The following RAB3GAP2 variants were observed in gnomAD, a reference collection of about 807,000 sequenced individuals.
The protein encoded by RAB3GAP2 is RAB3 GTPase activating non-catalytic protein subunit 2, also known as rab3 GTPase-activating protein non-catalytic subunit.
Under a neutral mutation model 185.3 loss-of-function variants are expected in RAB3GAP2, and 87 were observed. That is an observed-to-expected ratio of 0.47 (90% CI 0.39 to 0.56). The LOEUF (loss-of-function observed/expected upper bound fraction) is 0.56. Ranked by LOEUF, RAB3GAP2 falls within the 20% of genes least tolerant of loss-of-function variation. RAB3GAP2 has a pLI of 0.00. For synonymous variants in RAB3GAP2, 554 were observed against 576.1 expected, an observed-to-expected ratio of 0.96 and a Z score of 0.55; for missense variants, 1,492 against 1,638.2, an observed-to-expected ratio of 0.91 and a Z score of 1.54.
intron 1 of RAB3GAP2, among the ~76,000 whole-genome samples, chr1:220,263,509 T>G (rs1335923786): frequency 6.6e-6 from 1 of 152,134 alleles, no homozygotes; most frequent in Non-Finnish European, 1.5e-5. Flanking sequence ...TGCATATGGA[T>G]AGCCATTTCC....
intron 1 of RAB3GAP2, among the ~76,000 whole-genome samples, chr1:220,239,092 A>G (rs924599488): frequency 1.3e-5 from 2 of 152,262 alleles, no homozygotes; most frequent in Non-Finnish European, 1.5e-5. Context: ...TTTATAATAT[A>G]ATGAACAAAT....
intron 1 of RAB3GAP2, among the ~76,000 whole-genome samples, chr1:220,238,451 T>C (rs1659634891): frequency 6.6e-6 from 1 of 152,222 alleles, no homozygotes; most frequent in African/African-American, 2.4e-5. Flanking sequence ...AAGAGTTATA[T>C]GATCTTGGGC....
intron 1 of RAB3GAP2, among the ~76,000 whole-genome samples, chr1:220,246,075 A>G (rs1395065632): frequency 6.6e-6 from 1 of 152,194 alleles, no homozygotes; most frequent in African/African-American, 2.4e-5. Flanking sequence ...AAACAAATTT[A>G]CAAGAAAAAA....
chr1:220,227,351 A>T (rs1051104889), intron 2 of RAB3GAP2, among the ~76,000 whole-genome samples: 1 of 152,192 alleles, frequency 6.6e-6, no homozygotes, highest in African/African-American at 2.4e-5. Context: ...CTAGAGTCAG[A>T]AAAAAAGAGG....
Position 220,190,465 on chromosome 1 carries a change from A to C in RAB3GAP2, c.1543T>G (p.Trp515Gly). ...CAGATCTGATAAGTCTGTGGCTGCC[A>C]ACTCTGACTGGTAACATTATTTAAA... ...MGLNNVTSQS[W>G]QPQTYQICLV... The change falls in exon 15 of 35, where the codon TGG becomes GGG. Residue 515 changes from tryptophan (W) to glycine (G), a missense_variant. Trp to Gly is a radical substitution (Grantham distance 184, BLOSUM62 -2). Transcript: ENST00000358951. The C allele has an allele frequency of 6.2e-7, 1 of 1,610,996 alleles. No individual in the cohort carries two copies. Among genetic ancestry groups the C allele is most frequent in the Non-Finnish European group, 8.5e-7 (1 of 1,177,144 alleles).
At chr1:220,264,172 C>T (rs908558972) in intron 1 of RAB3GAP2, among the ~76,000 whole-genome samples, 2 of 151,840 alleles carry the variant, frequency 1.3e-5, no homozygotes, top group African/African-American at 4.8e-5. Context: ...GTACAAAACT[C>T]TCTCTGCAAA....
At chr1:220,180,289 T>C (rs10863533) in intron 21 of RAB3GAP2, among the ~76,000 whole-genome samples, 42,113 of 150,692 alleles carry the variant, frequency 0.28, 6,182 homozygotes, top group East Asian at 0.4. Flanking sequence ...GTAAAAGAAG[T>C]AATAAAGATC....
chr1:220,259,245 A>G (rs193254346), intron 1 of RAB3GAP2, among the ~76,000 whole-genome samples: 1 of 152,342 alleles, frequency 6.6e-6, no homozygotes, highest in African/African-American at 2.4e-5. Context: ...TAAAATTCAT[A>G]TGGAACCAAA....
intron 1 of RAB3GAP2, chr1:220,253,771 A>C (rs1213628874): frequency 2.5e-6 from 4 of 1,611,754 alleles, no homozygotes; most frequent in Non-Finnish European, 3.4e-6. Flanking sequence ...ATACGTGGAC[A>C]CCAATTTGCA....
intron 9 of RAB3GAP2, among the ~76,000 whole-genome samples, chr1:220,197,386 C>T (rs1658750474): frequency 6.6e-6 from 1 of 152,178 alleles, no homozygotes; most frequent in Admixed American, 6.5e-5. Context: ...ATGCATTCGT[C>T]CTTAAGACGT....
At chr1:220,242,001 C>G (rs781762207) in intron 1 of RAB3GAP2, among the ~76,000 whole-genome samples, 9 of 151,732 alleles carry the variant, frequency 5.9e-5, no homozygotes, top group Non-Finnish European at 1.0e-4. Context: ...CTAGAGAAAC[C>G]AATTCTATAT....
At chr1:220,267,475 T>C (rs1660249631) in intron 1 of RAB3GAP2, 1 of 1,404,814 alleles carries the variant, frequency 7.1e-7, no homozygotes, top group Admixed American at 1.7e-5. Context: ...TCTTGCCAAA[T>C]AAACATTACC....
chr1:220,159,277 A>C, intron 29 of RAB3GAP2, 109 bp downstream of exon 29: 1 of 904,996 alleles, frequency 1.1e-6, no homozygotes, highest in Non-Finnish European at 1.8e-6. Flanking sequence ...TCTCCTTCTG[A>C]TACGTCATCA....
chr1:220,171,940 A>G lies in RAB3GAP2; in HGVS notation c.2526T>C (p.His842=). ...TCTGTGCAGCAACAGAATGCCCAAC[A>G]TGCGCAGACAACAGAGCGGCTCCAT... ...ENNGAALLSA[H]VGHSVAAQIS... is the part of the protein sequence containing the mutation. The change falls in exon 23 of 35, where the codon CAT becomes CAC. Residue 842 remains histidine, a synonymous_variant. Coordinates refer to ENST00000358951, the MANE Select transcript of RAB3GAP2 (RefSeq NM_012414.4). 2 of 1,614,228 alleles carry G rather than the reference A, an allele frequency of 1.2e-6. No individual in the cohort carries two copies. The highest frequency in any genetic ancestry group is 1.6e-4 in the Middle Eastern group (1 of 6,062).
At chr1:220,210,302 C>G in intron 7 of RAB3GAP2, 86 bp downstream of exon 7, 1 of 971,878 alleles carries the variant, frequency 1.0e-6, no homozygotes, top group Admixed American at 1.7e-5. Flanking sequence ...ACAAAGATCT[C>G]TTTTAAGTTT....
intron 10 of RAB3GAP2, among the ~76,000 whole-genome samples, chr1:220,195,803 G>A (rs1658712952): frequency 1.3e-5 from 2 of 152,090 alleles, no homozygotes; most frequent in African/African-American, 2.4e-5. Flanking sequence ...ATTCTGAGAA[G>A]CATGCTTTTT....
At position 220,148,875 on chromosome 1, in the gene RAB3GAP2, CTT is replaced by C. The variant is rs975054061; in HGVS notation, c.*2374_*2375del. ...TGTAGAAGTTATGATTATTTGAACA[CTT>C]TTTGTTTTCCTTCAGCATTATACAA... On this transcript the variant is annotated 3_prime_UTR_variant, in exon 35 of 35. Transcript: ENST00000358951. 2.6e-5 allele frequency: 4 copies of C among 152,044 alleles called. No individual in the cohort carries two copies. The highest frequency in any genetic ancestry group is 5.9e-5 in the Non-Finnish European group (4 of 68,000). The allele number at this position is 152,044 out of a possible 1,614,324, so 9.4% of individuals were successfully genotyped here. A position where few individuals can be genotyped will look rare whatever the true frequency, so the allele number is the denominator to read the frequency against.
At chr1:220,195,042 A>G in intron 12 of RAB3GAP2, 36 bp downstream of exon 12, 1 of 1,583,160 alleles carries the variant, frequency 6.3e-7, no homozygotes, top group East Asian at 2.2e-5. Context: ...GTACCTTTCT[A>G]AAAGGACTAA....
chr1:220,224,487 C>T (rs1659367743), intron 2 of RAB3GAP2, among the ~76,000 whole-genome samples: 2 of 152,032 alleles, frequency 1.3e-5, no homozygotes, highest in Non-Finnish European at 2.9e-5. Flanking sequence ...AAATAATTTA[C>T]ATATATGGAA....
Sources: allele counts gnomAD v4.1 joint callset (sites outside exome capture counted in the v4.1 genomes callset), GRCh38; gene constraint gnomAD v4.1.1; transcripts MANE v1.5; gene names NCBI Gene and HGNC (gene_info 2026-07-23, HGNC 2026-07-21).